VPS13A: variants seen among roughly 807,000 people sequenced by gnomAD.
The protein encoded by VPS13A is intermembrane lipid transfer protein VPS13A.
A neutral mutation model predicts 390.9 loss-of-function variants in VPS13A; 264 were observed. The observed-to-expected ratio is 0.68, with a 90% CI of 0.61 to 0.75. VPS13A has a LOEUF of 0.75. Among genes scored for constraint, VPS13A ranks in the 30% least tolerant of loss-of-function variants. The pLI is 0.00. For synonymous variants in VPS13A, 1,231 were observed against 1,227.1 expected (o/e 1.00, Z -0.07); for missense variants, 3,409 against 3,733.9 (o/e 0.91, Z 2.27).
chr9:77,183,816 A>G (rs1047092787), intron 1 of VPS13A, among the ~76,000 whole-genome samples: 1 of 152,276 alleles, frequency 6.6e-6, no homozygotes, highest in Non-Finnish European at 1.5e-5. Context: ...AATAGCCCCA[A>G]ATGGGAAACA....
At chr9:77,319,720 T>G (rs1564725746) in intron 42 of VPS13A, 47 bp downstream of exon 42, 1 of 1,041,512 alleles carries the variant, frequency 9.6e-7, no homozygotes, top group Non-Finnish European at 1.4e-6. Flanking sequence ...ATATGTATTT[T>G]AAAAGACTTT....
intron 42 of VPS13A, among the ~76,000 whole-genome samples, chr9:77,320,587 G>A (rs1829689219): frequency 6.6e-6 from 1 of 151,990 alleles, no homozygotes; most frequent in African/African-American, 2.4e-5. Context: ...AGCATGTTGA[G>A]CTCTTTTCAT....
intron 67 of VPS13A, among the ~76,000 whole-genome samples, chr9:77,374,201 C>T (rs1260750546): frequency 6.6e-6 from 1 of 152,080 alleles, no homozygotes; most frequent in Non-Finnish European, 1.5e-5. Context: ...GCAGTGGATG[C>T]CTGAAACCTT....
intron 68 of VPS13A, among the ~76,000 whole-genome samples, chr9:77,399,970 T>A (rs1255563541): frequency 6.8e-6 from 1 of 147,450 alleles, no homozygotes; most frequent in East Asian, 1.9e-4. Flanking sequence ...TATGCACAGG[T>A]TTTTTATGAC....
chr9:77,234,646 A>G (rs1587385431), intron 17 of VPS13A, among the ~76,000 whole-genome samples: 1 of 151,914 alleles, frequency 6.6e-6, no homozygotes, highest in Admixed American at 6.6e-5. Flanking sequence ...GATGAGTTTA[A>G]TTTCATTTAC....
intron 50 of VPS13A, among the ~76,000 whole-genome samples, chr9:77,341,202 A>G (rs546137854): frequency 1.3e-4 from 20 of 152,242 alleles, no homozygotes; most frequent in African/African-American, 4.8e-4. Context: ...CAGTGTCTCT[A>G]GAAAAATCTC....
intron 1 of VPS13A, among the ~76,000 whole-genome samples, chr9:77,182,047 A>G (rs1824051233): frequency 1.3e-5 from 2 of 151,996 alleles, no homozygotes; most frequent in Admixed American, 1.3e-4. Context: ...TATTTCATAG[A>G]CTCATCTGAA....
In VPS13A at chr9:77,314,565, CT is replaced by C; in HGVS notation, c.4316del (p.Leu1439Ter). 6.2e-7 allele frequency: 1 copy of C among 1,610,824 alleles called. No individual in the cohort carries two copies. The highest frequency in any genetic ancestry group is 1.1e-5 in the South Asian group (1 of 90,904). Reference protein sequence around the residue: ...AEFKLENIISTLKMYTDGSTF... With the variant: ...AEFKLENIISXLKMYTDGSTF... Reference sequence around the variant, plus strand: ...TTTAAATTGGAGAATATTATAAGTACTTTAAAAATGTATACAGATGGCTCAA... The same window carrying C: ...TTTAAATTGGAGAATATTATAAGTACTTAAAAATGTATACAGATGGCTCAA... On this transcript the variant is annotated frameshift_variant, in exon 37 of 72. Transcript: ENST00000360280. LOFTEE classifies it high-confidence loss of function.
chr9:77,322,552 A>G (rs763355382), intron 44 of VPS13A, among the ~76,000 whole-genome samples: 36 of 151,574 alleles, frequency 2.4e-4, no homozygotes, highest in Non-Finnish European at 4.7e-4. Flanking sequence ...TTTTTTTAAC[A>G]TTTTTATGGA....
chr9:77,230,113 G>T (rs941913214), intron 17 of VPS13A, among the ~76,000 whole-genome samples: 4 of 151,768 alleles, frequency 2.6e-5, no homozygotes, highest in Admixed American at 1.3e-4. Flanking sequence ...CCTATTTTAT[G>T]TTGGGTTGTC....
intron 35 of VPS13A, 61 bp from the exon 36 acceptor site, chr9:77,313,931 T>A: frequency 6.7e-7 from 1 of 1,500,312 alleles, no homozygotes; most frequent in Non-Finnish European, 9.1e-7. Flanking sequence ...ATTTCAAGGG[T>A]ATTTTAATGA....
At position 77,351,506 on chromosome 9, in the gene VPS13A, G is replaced by A. The variant is rs942907632; in HGVS notation, c.7419+60G>A. Reference sequence around the variant, plus strand: ...CTTTTTTAAAAAAGGTATTTGGGCCGGGTGCGGTGGCTCACGCCTGTAATC... The same window carrying A: ...CTTTTTTAAAAAAGGTATTTGGGCCAGGTGCGGTGGCTCACGCCTGTAATC... On this transcript the variant is annotated intron_variant, in intron 53 of 71. Coordinates refer to ENST00000360280, the MANE Select transcript of VPS13A (RefSeq NM_033305.3). 36 of 1,589,624 alleles carry A rather than the reference G, an allele frequency of 2.3e-5. No individual in the cohort carries two copies. In the Admixed American group the frequency reaches 3.0e-4, roughly 13 times the overall value.
chr9:77,283,609 A>G lies in VPS13A; in HGVS notation c.3298A>G (p.Ile1100Val). ...ETEINAKLRN[I>V]IVLDSDITAI... ...TGAAATAAACGCAAAGCTAAGGAAT[A>G]TAATTGTTTTAGATTCTGATATAAC... The change falls in exon 31 of 72, where the codon ATA becomes GTA. Residue 1100 changes from isoleucine to valine, a missense_variant. Ile to Val is a conservative substitution (Grantham distance 29). Around this residue, in one of 5 missense-constraint regions of VPS13A, gnomAD observed 2,717 missense variants for 2,917.4 expected, o/e 0.93. Transcript: ENST00000360280. 1 of 1,613,210 alleles carries G rather than the reference A, an allele frequency of 6.2e-7. No individual in the cohort carries two copies. The highest frequency in any genetic ancestry group is 8.5e-7 in the Non-Finnish European group (1 of 1,179,522).
intron 19 of VPS13A, among the ~76,000 whole-genome samples, chr9:77,241,736 A>G (rs1247422735): frequency 6.6e-6 from 1 of 152,130 alleles, no homozygotes; most frequent in African/African-American, 2.4e-5. Flanking sequence ...TACCTTGGGT[A>G]TGTTGGTGGC....
intron 71 of VPS13A, among the ~76,000 whole-genome samples, chr9:77,409,775 C>T (rs1834825767): frequency 6.6e-6 from 1 of 151,096 alleles, no homozygotes; most frequent in South Asian, 2.1e-4. Context: ...AACAAAGCCT[C>T]CAAGAAATAT....
chr9:77,303,899 C>T (rs574199146), intron 34 of VPS13A, among the ~76,000 whole-genome samples: 54 of 152,174 alleles, frequency 3.5e-4, no homozygotes, highest in Admixed American at 9.2e-4. Context: ...GGTTTTATAC[C>T]GAGACATTCA....
chr9:77,331,245 G>A (rs1830261080), intron 45 of VPS13A, among the ~76,000 whole-genome samples: 1 of 151,998 alleles, frequency 6.6e-6, no homozygotes, highest in South Asian at 2.1e-4. Context: ...ACTAGGAGCA[G>A]AATTCCTAAG....
At chr9:77,325,407 T>G (rs572515950) in intron 45 of VPS13A, among the ~76,000 whole-genome samples, 219 of 151,788 alleles carry the variant, frequency 1.4e-3, no homozygotes, top group African/African-American at 5.0e-3. Context: ...CCTTGTTTTT[T>G]TTTTTTTTTT....
chr9:77,221,082 A>G, intron 12 of VPS13A, 103 bp from the exon 13 acceptor site: 1 of 1,126,770 alleles, frequency 8.9e-7, no homozygotes, highest in Non-Finnish European at 1.3e-6. Context: ...CATTTTCCTA[A>G]TCTTTGTATT....
Sources: allele counts gnomAD v4.1 joint callset (sites outside exome capture counted in the v4.1 genomes callset), GRCh38; gene constraint gnomAD v4.1.1; regional missense constraint gnomAD v4.1.1; transcripts MANE v1.5; gene names NCBI Gene and HGNC (gene_info 2026-07-23, HGNC 2026-07-21).